The following USP45 variants were observed in gnomAD, a reference collection of about 807,000 sequenced individuals.
The protein encoded by USP45 is ubiquitin specific peptidase 45, also known as ubiquitin carboxyl-terminal hydrolase 45.
USP45 carries 89 observed loss-of-function variants against 95.8 expected under a neutral mutation model. The ratio of observed to expected loss-of-function variants is 0.93; its 90% CI spans 0.78 to 1.11. USP45 has a LOEUF of 1.11. Ranked by LOEUF, USP45 falls within the 50% of genes least tolerant of loss-of-function variation. The pLI is 0.00. For synonymous variants in USP45, 281 were observed against 316.2 expected (o/e 0.89, Z 1.18); for missense variants, 898 against 942.5 (o/e 0.95, Z 0.62).
rs542666395 is a variant in USP45 at position 99,468,135 on chromosome 6, G to C, written c.1015+402C>G. ...TTCAATAAACGGTTTATTTGCAGGA[G>C]TCTTTGGAGCACTTAAACATTTTGT... On this transcript the variant is annotated intron_variant, in intron 10 of 17. Transcript: ENST00000500704. The C allele has an allele frequency of 2.2e-5, 10 of 455,392 alleles. No homozygotes were observed. The East Asian group carries it at 4.2e-4, about 19-fold the overall frequency. The allele number at this position is 455,392 out of a possible 1,614,324, so 28.2% of individuals were successfully genotyped here.
chr6:99,492,672 A>T (rs1583356049), intron 5 of USP45, among the ~76,000 whole-genome samples: 1 of 131,690 alleles, frequency 7.6e-6, no homozygotes, highest in South Asian at 2.6e-4. Flanking sequence ...TTGTATTTTT[A>T]GTAGAGATGG....
intron 5 of USP45, among the ~76,000 whole-genome samples, chr6:99,502,707 G>C (rs1797649595): frequency 6.6e-6 from 1 of 152,234 alleles, no homozygotes; most frequent in African/African-American, 2.4e-5. Flanking sequence ...GATGGGAAGT[G>C]ACTGGATCAT....
At chr6:99,504,843 G>A (rs1562446589) in intron 4 of USP45, among the ~76,000 whole-genome samples, 2 of 152,098 alleles carry the variant, frequency 1.3e-5, no homozygotes, top group South Asian at 2.1e-4. Flanking sequence ...ATCCAACAAC[G>A]TACAGAACAG....
At chr6:99,481,177 G>A (rs970535677) in intron 8 of USP45, among the ~76,000 whole-genome samples, 1 of 152,134 alleles carries the variant, frequency 6.6e-6, no homozygotes, top group Non-Finnish European at 1.5e-5. Flanking sequence ...ATGTACTTCC[G>A]CAAGTACAGT....
rs2128512972 is a variant in USP45, at chr6:99,433,836, A to G, written c.*1880T>C. 1 of 152,326 alleles carries G rather than the reference A, an allele frequency of 6.6e-6. No homozygotes were observed. The highest frequency in any genetic ancestry group is 2.4e-5 in the African/African-American group (1 of 41,568). 9.4% of individuals were successfully genotyped at this position (152,326 alleles called of 1,614,324 possible). On this transcript the variant is annotated 3_prime_UTR_variant, in exon 18 of 18. Transcript: ENST00000500704. ...AAGAAACAAGTGACCATCCGATGAA[A>G]AGTGCATGCCTCTTAACAGTATCTT...
rs926271508 is a variant in USP45, at chr6:99,464,764, T to C, written c.1165-17A>G. Reference sequence around the variant, plus strand: ...TTTTGAAACCTATGTAAATGCCACATACAGAAACCAAAACCTCTTTAGTAA... The same window carrying C: ...TTTTGAAACCTATGTAAATGCCACACACAGAAACCAAAACCTCTTTAGTAA... On this transcript the variant is annotated splice_polypyrimidine_tract_variant and intron_variant, in intron 12 of 17. Coordinates refer to ENST00000500704, the MANE Select transcript of USP45 (RefSeq NM_001346022.3). 1.9e-6 allele frequency: 3 copies of C among 1,581,504 alleles called. No individual in the cohort carries two copies. The Admixed American group carries it at 5.6e-5, about 29-fold the overall frequency.
intron 8 of USP45, among the ~76,000 whole-genome samples, chr6:99,477,711 G>A (rs977534695): frequency 6.6e-5 from 10 of 151,894 alleles, no homozygotes; most frequent in African/African-American, 9.7e-5. Context: ...AACATTAACC[G>A]GTCATCAATC....
intron 13 of USP45, among the ~76,000 whole-genome samples, chr6:99,463,349 A>G (rs1371077837): frequency 1.3e-5 from 2 of 152,188 alleles, no homozygotes; most frequent in African/African-American, 4.8e-5. Flanking sequence ...GCCACCACCT[A>G]AAAGTTTTCT....
chr6:99,494,343 T>C (rs1265398993), intron 5 of USP45, among the ~76,000 whole-genome samples: 1 of 152,220 alleles, frequency 6.6e-6, no homozygotes, highest in East Asian at 1.9e-4. Flanking sequence ...AAAGCTCTTG[T>C]ACATCTCTGT....
chr6:99,506,445 A>T (rs1331139350), intron 4 of USP45, among the ~76,000 whole-genome samples: 1 of 152,158 alleles, frequency 6.6e-6, no homozygotes, highest in Non-Finnish European at 1.5e-5. Context: ...AGCAGCTGGG[A>T]CTACAGGCGT....
intron 4 of USP45, among the ~76,000 whole-genome samples, chr6:99,504,679 G>C (rs376738749): frequency 2.6e-5 from 4 of 152,116 alleles, no homozygotes; most frequent in African/African-American, 9.7e-5. Context: ...CAATGTCAGC[G>C]ATTCTCAATG....
At chr6:99,490,075 TATG>T (rs768214984) in intron 5 of USP45, among the ~76,000 whole-genome samples, 33 of 152,232 alleles carry the variant, frequency 2.2e-4, no homozygotes, top group Non-Finnish European at 4.1e-4. Flanking sequence ...GAATCAAAAT[TATG>T]ATAATTTGAA....
At chr6:99,452,451 G>GA (rs1784105413) in intron 13 of USP45, among the ~76,000 whole-genome samples, 1 of 152,198 alleles carries the variant, frequency 6.6e-6, no homozygotes, top group African/African-American at 2.4e-5. Context: ...GGCCATCAGA[G>GA]AAAAGCAAAT....
intron 17 of USP45, 61 bp from the exon 18 acceptor site, chr6:99,435,907 T>C: frequency 1.3e-6 from 2 of 1,491,378 alleles, no homozygotes; most frequent in African/African-American, 1.4e-5. Flanking sequence ...TTACTCTAAA[T>C]TACAAACAAT....
chr6:99,501,551 C>A (rs891096408), intron 5 of USP45, among the ~76,000 whole-genome samples: 1 of 152,132 alleles, frequency 6.6e-6, no homozygotes, highest in African/African-American at 2.4e-5. Flanking sequence ...GTAGCACTTA[C>A]CAGAAGTCAT....
chr6:99,516,766 G>A (rs1801140511), upstream of USP45, among the ~76,000 whole-genome samples: 1 of 152,098 alleles, frequency 6.6e-6, no homozygotes, highest in Non-Finnish European at 1.5e-5. Context: ...CTTTGGATTT[G>A]ACCTAGAACT....
chr6:99,496,696 G>C (rs1395725477), intron 5 of USP45, among the ~76,000 whole-genome samples: 2 of 151,808 alleles, frequency 1.3e-5, no homozygotes, highest in African/African-American at 4.8e-5. Flanking sequence ...AACACTTCAT[G>C]ACATTTAAAA....
intron 8 of USP45, among the ~76,000 whole-genome samples, chr6:99,476,566 T>C (rs1790921371): frequency 1.3e-5 from 2 of 152,244 alleles, no homozygotes; most frequent in African/African-American, 4.8e-5. Flanking sequence ...ACTGAGAATA[T>C]GGCTATCATT....
rs11335830 is a variant in USP45 at position 99,487,633 on chromosome 6, CAA to C, written c.714+565_714+566del. Reference sequence around the variant, plus strand: ...TGAAACCCCGTCTCTACTAAAAATACAAAAAAAAAAAAAAAAAAAAAAAGTTA... The same window carrying C: ...TGAAACCCCGTCTCTACTAAAAATACAAAAAAAAAAAAAAAAAAAAAGTTA... On this transcript the variant is annotated intron_variant, in intron 7 of 17. Transcript: ENST00000500704. Among the ~76,000 whole-genome samples, 930 of 106,376 alleles carry C rather than the reference CAA, an allele frequency of 8.7e-3. 6 individuals carry two copies. Among genetic ancestry groups the C allele is most frequent in the African/African-American group, 0.021 (586 of 27,504 alleles). The allele number at this position is 106,376 out of a possible 152,430, so 69.8% of individuals were successfully genotyped here.
Sources: allele counts gnomAD v4.1 joint callset (sites outside exome capture counted in the v4.1 genomes callset), GRCh38; gene constraint gnomAD v4.1.1; transcripts MANE v1.5; gene names NCBI Gene and HGNC (gene_info 2026-07-23, HGNC 2026-07-21).